The following WNK3 variants were observed in gnomAD, a reference collection of about 807,000 sequenced individuals.
The protein encoded by WNK3 is serine/threonine-protein kinase WNK3.
In WNK3, 18 loss-of-function variants were observed where a neutral mutation model predicts 116.7. The observed-to-expected ratio is 0.15, with a 90% CI of 0.11 to 0.23. The LOEUF is 0.23. Ranked by LOEUF, WNK3 falls within the 10% of genes least tolerant of loss-of-function variation. The probability of loss-of-function intolerance (pLI) is 1.00; values close to 1 mark genes in which losing one functional copy is unlikely to be tolerated. For missense variants in WNK3, 993 were observed against 1,323.8 expected (o/e 0.75, Z 3.88); for synonymous variants, 404 against 469.4 (o/e 0.86, Z 1.80).
At chrX:54,246,036 A>T (rs1461359931) in intron 17 of WNK3, among the ~76,000 whole-genome samples, 17 of 112,386 alleles carry the variant, frequency 1.5e-4, no homozygotes, top group African/African-American at 5.5e-4. Flanking sequence ...ATTACTAAGA[A>T]AGTTGAAAAT....
At chrX:54,253,297 G>A (rs1557154791) in intron 13 of WNK3, among the ~76,000 whole-genome samples, 1 of 110,781 alleles carries the variant, frequency 9.0e-6, no homozygotes, top group Non-Finnish European at 1.9e-5. Context: ...ACAGGGTCTT[G>A]CTCTGCTGCC....
At chrX:54,341,312 G>A (rs1457450375) in intron 1 of WNK3, among the ~76,000 whole-genome samples, 2 of 110,449 alleles carry the variant, frequency 1.8e-5, no homozygotes, top group African/African-American at 6.6e-5. Context: ...CAGGAAAATC[G>A]CTTGAACCCA....
In WNK3 at chrX:54,309,327, A is replaced by G. The variant is rs1557169266; in HGVS notation, c.711-12T>C. On this transcript the variant is annotated splice_polypyrimidine_tract_variant and intron_variant, in intron 3 of 23. Coordinates refer to ENST00000354646, the Ensembl canonical transcript of WNK3. The stretch of plus-strand genomic sequence containing the variant: ...ATCGTTTTAAGTACCTATACAAAGA[A>G]ACAAAAGACCATGTGTAAACAAACA... 2 of 1,149,981 alleles carry G rather than the reference A, an allele frequency of 1.7e-6. No individual in the cohort carries two copies. Among genetic ancestry groups the G allele is most frequent in the South Asian group, 3.7e-5 (2 of 54,575 alleles). 94.8% of individuals were successfully genotyped at this position (1,149,981 alleles called of 1,213,427 possible).
At chrX:54,294,030 A>C in intron 8 of WNK3, among the ~76,000 whole-genome samples, 1 of 110,522 alleles carries the variant, frequency 9.0e-6, no homozygotes, top group East Asian at 2.8e-4. Context: ...AAAATACAAA[A>C]ATTAGCCAGG....
rs1053371758 is a variant in WNK3 at position 54,240,312 on chromosome X, A to C, written c.3652-1213T>G. On this transcript the variant is annotated intron_variant, in intron 17 of 23. Transcript: ENST00000354646. ...GAACGAAACTCTTGTTTCAAAAAAA[A>C]AAAAACAAAAAAACAAACACAAACT... is the stretch of plus-strand genomic sequence containing the variant. Among the ~76,000 whole-genome samples, 36 of 111,000 alleles carry C rather than the reference A, an allele frequency of 3.2e-4. No homozygotes were observed. The Admixed American group carries it at 3.5e-3, about 11-fold the overall frequency.
intron 10 of WNK3, among the ~76,000 whole-genome samples, chrX:54,267,259 G>T (rs782769443): frequency 9.1e-6 from 1 of 110,207 alleles, no homozygotes; most frequent in African/African-American, 3.3e-5. Context: ...GTAGAGACAG[G>T]ATTTCGCCAT....
At position 54,293,052 on chromosome X, in the gene WNK3, G is replaced by T; in HGVS notation, c.1888-15C>A. The stretch of plus-strand genomic sequence containing the variant: ...TGCTTCTGTAACTGTTAAAATAAGG[G>T]GAAAAAAAGATTAAAGATAAACTTT... On this transcript the variant is annotated splice_polypyrimidine_tract_variant and intron_variant, in intron 9 of 23. Transcript: ENST00000354646. 1 of 1,197,368 alleles carries T rather than the reference G, an allele frequency of 8.4e-7. No homozygotes were observed. Among genetic ancestry groups the T allele is most frequent in the Non-Finnish European group, 1.1e-6 (1 of 890,745 alleles).
intron 10 of WNK3, among the ~76,000 whole-genome samples, chrX:54,291,755 G>A (rs1465363353): frequency 8.9e-6 from 1 of 111,987 alleles, no homozygotes; most frequent in East Asian, 2.8e-4. Context: ...CTCTTTGAGG[G>A]CAAGGATCAT....
intron 2 of WNK3, 53 bp downstream of exon 2, chrX:54,333,084 G>T: frequency 1.1e-6 from 1 of 899,590 alleles, no homozygotes; most frequent in Non-Finnish European, 1.6e-6. Flanking sequence ...CACACAGAAG[G>T]CCAGGCCAGC....
chrX:54,298,064 C>T, intron 7 of WNK3, 111 bp downstream of exon 7: 2 of 565,250 alleles, frequency 3.5e-6, no homozygotes, highest in Non-Finnish European at 2.9e-6. Flanking sequence ...CAGAGCGAGA[C>T]TCTGTCTCAA....
chrX:54,261,885 T>A (rs782631528), intron 10 of WNK3, among the ~76,000 whole-genome samples: 31 of 111,886 alleles, frequency 2.8e-4, no homozygotes, highest in Non-Finnish European at 4.9e-4. Flanking sequence ...TCTTAATTAT[T>A]TCCTTAGGAA....
intron 22 of WNK3, among the ~76,000 whole-genome samples, chrX:54,226,331 G>A (rs2067838440): frequency 9.4e-6 from 1 of 106,868 alleles, no homozygotes; most frequent in East Asian, 3.0e-4. Context: ...TTAGCCAGGC[G>A]TGATGGCATG....
rs1010220859 is a variant in WNK3 at position 54,332,985 on chromosome X, G to C, written c.537+152C>G. 5 of 369,567 alleles carry C rather than the reference G, an allele frequency of 1.4e-5. No individual in the cohort carries two copies. The South Asian group carries it at 3.6e-4, about 26-fold the overall frequency. The allele number at this position is 369,567 out of a possible 1,213,427, so 30.5% of individuals were successfully genotyped here. A position where few individuals can be genotyped will look rare whatever the true frequency, so the allele number is the denominator to read the frequency against. On this transcript the variant is annotated intron_variant, in intron 2 of 23. Transcript: ENST00000354646. ...AAAAAAGTTTGGAGTGAGCTCCTAA[G>C]AGGATATAGGAAAGGACCATAATTT... is the stretch of plus-strand genomic sequence containing the variant.
intron 1 of WNK3, among the ~76,000 whole-genome samples, chrX:54,345,784 T>G (rs782619217): frequency 2.4e-5 from 2 of 82,318 alleles, no homozygotes; most frequent in African/African-American, 4.7e-5. Context: ...AGACTCAGTA[T>G]CAAAAAAAAA....
At chrX:54,280,905 T>A in intron 10 of WNK3, among the ~76,000 whole-genome samples, 1 of 109,795 alleles carries the variant, frequency 9.1e-6, no homozygotes, top group Non-Finnish European at 1.9e-5. Context: ...TCTGTGACAA[T>A]CCTGCACACA....
chrX:54,307,005 G>A (rs781853579), intron 5 of WNK3, among the ~76,000 whole-genome samples: 11 of 109,636 alleles, frequency 1.0e-4, no homozygotes, highest in African/African-American at 2.3e-4. Flanking sequence ...CGAGGTGGGC[G>A]AATCACAAGG....
intron 10 of WNK3, among the ~76,000 whole-genome samples, chrX:54,266,425 T>C (rs897941580): frequency 9.0e-6 from 1 of 111,687 alleles, no homozygotes; most frequent in African/African-American, 3.3e-5. Flanking sequence ...AATTGTACAT[T>C]AAAAATAATT....
intron 22 of WNK3, among the ~76,000 whole-genome samples, chrX:54,203,089 C>A (rs879977481): frequency 9.0e-6 from 1 of 111,546 alleles, no homozygotes; most frequent in Non-Finnish European, 1.9e-5. Context: ...TTTCTGTTTA[C>A]GATTTAAAAA....
chrX:54,269,949 C>T (rs1267575723), intron 10 of WNK3, among the ~76,000 whole-genome samples: 1 of 110,773 alleles, frequency 9.0e-6, no homozygotes, highest in Non-Finnish European at 1.9e-5. Context: ...GATAAAATAC[C>T]ACACATTTTT....
Sources: allele counts gnomAD v4.1 joint callset (sites outside exome capture counted in the v4.1 genomes callset), GRCh38; gene constraint gnomAD v4.1.1; transcripts MANE v1.5; gene names NCBI Gene and HGNC (gene_info 2026-07-23, HGNC 2026-07-21).